The following TSHR variants were observed in gnomAD, a reference collection of about 807,000 sequenced individuals.
TSHR encodes thyrotropin receptor.
TSHR carries 51 observed loss-of-function variants against 64.1 expected under a neutral mutation model. The observed-to-expected ratio is 0.80, with a 90% CI of 0.64 to 1.01. The LOEUF (loss-of-function observed/expected upper bound fraction) is 1.01, where lower values mean the gene tolerates loss of function less well. TSHR is among the 50% of genes least tolerant of loss of function. The probability of loss-of-function intolerance (pLI) is 0.00; values close to 1 mark genes in which losing one functional copy is unlikely to be tolerated. For synonymous variants in TSHR, 361 were observed against 361.9 expected (o/e 1.00, Z 0.03); for missense variants, 877 against 942.8 (o/e 0.93, Z 0.91).
chr14:80,983,027 TG>T, intron 1 of TSHR: 1 of 540,904 alleles, frequency 1.8e-6, no homozygotes, highest in South Asian at 3.3e-5. Flanking sequence ...CAGATTGCAA[TG>T]GGTATCCATA....
intron 1 of TSHR, among the ~76,000 whole-genome samples, chr14:80,972,425 CTG>C (rs1356572254): frequency 2.0e-5 from 3 of 152,136 alleles, no homozygotes. Context: ...AGATGCAAAA[CTG>C]AGACCCAGAA....
At chr14:81,072,632 G>A (rs769683025) in intron 3 of TSHR, among the ~76,000 whole-genome samples, 1 of 152,068 alleles carries the variant, frequency 6.6e-6, no homozygotes, top group Non-Finnish European at 1.5e-5. Context: ...TGCATTAAAT[G>A]TAAAAGGACT....
chr14:81,077,060 C>T (rs984939855), intron 3 of TSHR, among the ~76,000 whole-genome samples: 16 of 151,978 alleles, frequency 1.1e-4, no homozygotes, highest in Admixed American at 3.3e-4. Flanking sequence ...GTTAACTCTA[C>T]TGATTATTTT....
chr14:81,141,876 C>T (rs1051583339), intron 9 of TSHR, among the ~76,000 whole-genome samples: 1 of 152,130 alleles, frequency 6.6e-6, no homozygotes, highest in Non-Finnish European at 1.5e-5. Context: ...ATAATAATAA[C>T]AATAACCACC....
chr14:81,092,380 C>A, intron 5 of TSHR, 151 bp from the exon 6 acceptor site: 1 of 752,982 alleles, frequency 1.3e-6, no homozygotes, highest in Non-Finnish European at 2.3e-6. Flanking sequence ...ACCTCTGAGC[C>A]ACTAGCGGTT....
chr14:81,078,372 G>T (rs997679941), intron 3 of TSHR, among the ~76,000 whole-genome samples: 4 of 152,092 alleles, frequency 2.6e-5, no homozygotes, highest in African/African-American at 9.7e-5. Flanking sequence ...TTTTTCTGAG[G>T]AGTAGTCGTA....
intron 7 of TSHR, among the ~76,000 whole-genome samples, chr14:81,102,175 G>GA (rs78406514): frequency 0.065 from 7,586 of 117,412 alleles, 467 homozygotes; most frequent in African/African-American, 0.16. Flanking sequence ...CCATCTCAGG[G>GA]AAAAAAAAAA....
At chr14:80,981,379 C>T (rs1219053759) in intron 1 of TSHR, among the ~76,000 whole-genome samples, 12 of 152,056 alleles carry the variant, frequency 7.9e-5, no homozygotes, top group Admixed American at 1.3e-4. Context: ...AGGAGCAGGA[C>T]GACTCTTTGC....
chr14:81,048,875 A>T (rs954410482), intron 1 of TSHR, among the ~76,000 whole-genome samples: 2 of 151,764 alleles, frequency 1.3e-5, no homozygotes, highest in Non-Finnish European at 2.9e-5. Context: ...TCTTGTTTTT[A>T]TTTTTCTTTC....
chr14:81,145,832 T>A lies in TSHR; in HGVS notation c.*1479T>A, dbSNP rs1891907484. ...CAGGTTACCTGTGATGATAGCCCCCTAATGTCCTGCTAGAAAAGTCTCCAA... is the reference window on the plus strand; with the variant it reads ...CAGGTTACCTGTGATGATAGCCCCCAAATGTCCTGCTAGAAAAGTCTCCAA... On this transcript the variant is annotated 3_prime_UTR_variant, in exon 10 of 10. Transcript: ENST00000298171. The A allele has an allele frequency of 4.3e-6, 1 of 232,728 alleles. No homozygotes were observed. 14.4% of individuals were successfully genotyped at this position (232,728 alleles called of 1,614,324 possible).
intron 3 of TSHR, among the ~76,000 whole-genome samples, chr14:81,084,847 C>G (rs1252573079): frequency 6.6e-6 from 1 of 152,230 alleles, no homozygotes; most frequent in African/African-American, 2.4e-5. Flanking sequence ...TTGAACGCCT[C>G]TTTCACCCTT....
intron 9 of TSHR, among the ~76,000 whole-genome samples, chr14:81,141,020 A>G (rs2300539): frequency 0.44 from 66,351 of 152,140 alleles, 15,449 homozygotes; most frequent in African/African-American, 0.61. Flanking sequence ...CAGCTACTGG[A>G]GAGGCTGAGG....
intron 1 of TSHR, among the ~76,000 whole-genome samples, chr14:81,015,342 G>A (rs191116941): frequency 1.2e-4 from 18 of 152,230 alleles, no homozygotes; most frequent in African/African-American, 4.3e-4. Context: ...AGGGGGAAAA[G>A]TAATTACTGT....
chr14:81,030,742 A>C (rs1240708282), intron 1 of TSHR, among the ~76,000 whole-genome samples: 1 of 152,138 alleles, frequency 6.6e-6, no homozygotes, highest in Non-Finnish European at 1.5e-5. Context: ...TTCAAACTGG[A>C]AAATCATGTG....
intron 1 of TSHR, among the ~76,000 whole-genome samples, chr14:80,990,473 G>A (rs1888671112): frequency 6.6e-6 from 1 of 152,224 alleles, no homozygotes; most frequent in African/African-American, 2.4e-5. Flanking sequence ...CCTGCGGGAA[G>A]GTTCCTCGGT....
intron 1 of TSHR, among the ~76,000 whole-genome samples, chr14:81,054,025 C>T (rs913651743): frequency 1.3e-5 from 2 of 152,094 alleles, no homozygotes; most frequent in African/African-American, 4.8e-5. Flanking sequence ...TATAGAAGAG[C>T]AGGATTGCTG....
intron 3 of TSHR, chr14:81,078,593 A>G (rs745336436): frequency 3.9e-5 from 6 of 152,160 alleles, no homozygotes; most frequent in Admixed American, 2.6e-4. Context: ...ATTTCAATAG[A>G]GTATGTTAGA....
chr14:81,071,952 A>C (rs560965682), intron 3 of TSHR, among the ~76,000 whole-genome samples: 4 of 152,282 alleles, frequency 2.6e-5, no homozygotes, highest in African/African-American at 9.6e-5. Flanking sequence ...TTTTTAGGAA[A>C]TGTCATATGA....
At chr14:81,133,741 T>A (rs1482132622) in intron 8 of TSHR, among the ~76,000 whole-genome samples, 1 of 152,272 alleles carries the variant, frequency 6.6e-6, no homozygotes, top group South Asian at 2.1e-4. Context: ...AGTCAAAGAA[T>A]GCTCCTAACA....
Sources: gnomAD v4.1 joint callset for allele counts (sites outside exome capture counted in the v4.1 genomes callset) on GRCh38, gnomAD v4.1.1 for gene constraint, MANE v1.5 for transcripts, NCBI Gene and HGNC (gene_info 2026-07-23, HGNC 2026-07-21) for gene names.